The following ADH1A variants were observed in gnomAD, a reference collection of about 807,000 sequenced individuals.
ADH1A encodes the protein alcohol dehydrogenase 1A (class I), alpha polypeptide.
In ADH1A, 29 loss-of-function variants were observed where a neutral mutation model predicts 35.2. The ratio of observed to expected loss-of-function variants is 0.82; its 90% CI spans 0.61 to 1.12. ADH1A has a LOEUF of 1.12. Ranked by LOEUF, ADH1A falls within the 50% of genes most tolerant of loss-of-function variation. ADH1A has a pLI of 0.00. For synonymous variants in ADH1A, 147 were observed against 164.8 expected, an observed-to-expected ratio of 0.89 and a Z score of 0.83; for missense variants, 469 against 464.7, an observed-to-expected ratio of 1.01 and a Z score of -0.09.
At chr4:99,281,732 G>C (rs1314200174) in intron 6 of ADH1A, 2 of 155,858 alleles carry the variant, frequency 1.3e-5, no homozygotes, top group East Asian at 3.6e-4. Context: ...AAATTTGGGG[G>C]GTGATAAAAA....
At chr4:99,283,629 T>G (rs931267856) in intron 5 of ADH1A, among the ~76,000 whole-genome samples, 6 of 152,184 alleles carry the variant, frequency 3.9e-5, no homozygotes, top group African/African-American at 1.4e-4. Flanking sequence ...AGGAGATTAG[T>G]AAAAGATATT....
intron 4 of ADH1A, 44 bp from the exon 5 acceptor site, chr4:99,284,662 C>G (rs28364312): frequency 6.2e-7 from 1 of 1,612,634 alleles, no homozygotes; most frequent in Non-Finnish European, 8.5e-7. Context: ...TGAGACAGGA[C>G]CATAACTAAT....
intron 3 of ADH1A, 30 bp downstream of exon 3, chr4:99,286,820 C>T (rs934955691): frequency 3.1e-6 from 5 of 1,610,360 alleles, no homozygotes; most frequent in African/African-American, 1.3e-5. Flanking sequence ...GATGGTGAAC[C>T]ATCATGTTTC....
Position 99,276,528 on chromosome 4 carries a change from G to A in ADH1A, c.*96C>T, listed in dbSNP as rs1732872412. 1.9e-6 allele frequency: 2 copies of A among 1,069,662 alleles called. No individual in the cohort carries two copies. Among genetic ancestry groups the A allele is most frequent in the African/African-American group, 3.2e-5 (2 of 63,472 alleles). 66.3% of individuals were successfully genotyped at this position (1,069,662 alleles called of 1,614,324 possible). The stretch of plus-strand genomic sequence containing the variant: ...AATGTAATTTATTGATAAAATCTGT[G>A]ATGAGCAGAATTAATGATATTTCCC... On this transcript the variant is annotated 3_prime_UTR_variant, in exon 9 of 9. Coordinates refer to ENST00000209668, the MANE Select transcript of ADH1A (RefSeq NM_000667.4).
chr4:99,287,544 A>G lies in ADH1A; in HGVS notation c.120+20T>C, dbSNP rs1733184788. On this transcript the variant is annotated intron_variant, in intron 2 of 8. Transcript: ENST00000209668. The stretch of plus-strand genomic sequence containing the variant: ...TCTGAGTTTTTAAAACTTAAATACA[A>G]ATGGAAAAATGTATTTCACCTTAAT... 1 of 1,595,064 alleles carries G rather than the reference A, an allele frequency of 6.3e-7. No homozygotes were observed. The highest frequency in any genetic ancestry group is 1.4e-5 in the African/African-American group (1 of 74,054).
intron 3 of ADH1A, 197 bp downstream of exon 3, chr4:99,286,653 G>T: frequency 1.2e-6 from 1 of 841,888 alleles, no homozygotes; most frequent in Non-Finnish European, 1.8e-6. Context: ...AATTGTTGAA[G>T]GGTAGAATAC....
chr4:99,278,307 G>A (rs976173017), intron 8 of ADH1A: 4 of 151,974 alleles, frequency 2.6e-5, no homozygotes, highest in Admixed American at 1.3e-4. Flanking sequence ...ATATATCCAT[G>A]CGCTCTTGAG....
intron 7 of ADH1A, 66 bp downstream of exon 7, chr4:99,280,078 G>A (rs1732962031): frequency 6.3e-7 from 1 of 1,598,654 alleles, no homozygotes; most frequent in African/African-American, 1.3e-5. Flanking sequence ...ACCTTGCCTT[G>A]TCACTTGTAA....
intron 6 of ADH1A, chr4:99,281,075 A>G (rs1024890376): frequency 2.0e-5 from 3 of 152,210 alleles, no homozygotes; most frequent in African/African-American, 2.4e-5. Flanking sequence ...CCCGTTCCAC[A>G]TGAGAAAATG....
At chr4:99,279,010 GT>G (rs1206262355) in intron 8 of ADH1A, among the ~76,000 whole-genome samples, 1 of 152,088 alleles carries the variant, frequency 6.6e-6, no homozygotes, top group African/African-American at 2.4e-5. Flanking sequence ...TAATGAAAAT[GT>G]TGAGGATGTC....
chr4:99,279,475 G>T lies in ADH1A; in HGVS notation c.1054C>A (p.Pro352Thr). 2 of 1,609,576 alleles carry T rather than the reference G, an allele frequency of 1.2e-6. No individual in the cohort carries two copies. Among genetic ancestry groups the T allele is most frequent in the Non-Finnish European group, 8.5e-7 (1 of 1,178,530 alleles). ...SLDALITHVL[P>T]FEKINEGFDL... ...AATCCTTCATTTATTTTTTCAAAAG[G>T]TAAAACATGGGTTATTAATGCATCC... The change falls in exon 8 of 9, where the codon CCT (proline) becomes ACT (threonine). Residue 352 changes from proline to threonine, a missense_variant. By Grantham distance (38) the Pro-to-Thr change is conservative. Coordinates refer to ENST00000209668, the MANE Select transcript of ADH1A (RefSeq NM_000667.4).
At chr4:99,290,841 T>G in intron 1 of ADH1A, 56 bp downstream of exon 1, 1 of 1,536,326 alleles carries the variant, frequency 6.5e-7, no homozygotes, top group Non-Finnish European at 9.0e-7. Flanking sequence ...ACTGTATTAC[T>G]TTCTTTGTTA....
intron 2 of ADH1A, 142 bp from the exon 3 acceptor site, chr4:99,287,130 G>T: frequency 4.6e-6 from 5 of 1,077,368 alleles, no homozygotes; most frequent in Non-Finnish European, 6.6e-6. Context: ...GAAAGATTCA[G>T]TTTATCCTCA....
intron 2 of ADH1A, 115 bp downstream of exon 2, chr4:99,287,449 C>A: frequency 2.0e-6 from 2 of 1,009,946 alleles, no homozygotes; most frequent in Non-Finnish European, 2.8e-6. Flanking sequence ...TATACCTTTC[C>A]TTGACAACAA....
intron 8 of ADH1A, among the ~76,000 whole-genome samples, chr4:99,277,199 T>C (rs1732890076): frequency 6.6e-6 from 1 of 152,086 alleles, no homozygotes; most frequent in Admixed American, 6.6e-5. Context: ...AGATGATAAA[T>C]AACTTGCCTG....
At position 99,282,328 on chromosome 4, in the gene ADH1A, G is replaced by T. The variant is rs1478070288; in HGVS notation, c.828+18C>A. The stretch of plus-strand genomic sequence containing the variant: ...AAGTTGTAGAGGCAGAAATCTCAGG[G>T]CATGTCATGGTACATACCATGGTGT... On this transcript the variant is annotated intron_variant, in intron 6 of 8. Transcript: ENST00000209668. The T allele has an allele frequency of 3.1e-6, 5 of 1,614,132 alleles. No individual in the cohort carries two copies. Among genetic ancestry groups the T allele is most frequent in the African/African-American group, 1.3e-5 (1 of 75,032 alleles).
rs760071893 is a variant in ADH1A, at chr4:99,281,439, AT to A, written c.828+906del. Among the ~76,000 whole-genome samples, 8 of 152,332 alleles carry A rather than the reference AT, an allele frequency of 5.3e-5. No homozygotes were observed. The South Asian group carries it at 1.7e-3, about 32-fold the overall frequency. ...ACTGCAAGATTGGAAATAGTATTTC[AT>A]ATCAATAACGCCAACTGAGGCCGGG... On this transcript the variant is annotated intron_variant, in intron 6 of 8. Transcript: ENST00000209668.
At chr4:99,285,188 A>G (rs564147583) in intron 3 of ADH1A, among the ~76,000 whole-genome samples, 1 of 152,368 alleles carries the variant, frequency 6.6e-6, no homozygotes, top group Admixed American at 6.5e-5. Flanking sequence ...AAAGTAGGGT[A>G]TAATAGTTCC....
In ADH1A at chr4:99,276,534, C is replaced by A; in HGVS notation, c.*90G>T. 3.6e-6 allele frequency: 4 copies of A among 1,120,236 alleles called. No homozygotes were observed. Among genetic ancestry groups the A allele is most frequent in the Non-Finnish European group, 4.1e-6 (3 of 737,994 alleles). The allele number at this position is 1,120,236 out of a possible 1,614,324, so 69.4% of individuals were successfully genotyped here. A position where few individuals can be genotyped will look rare whatever the true frequency, so the allele number is the denominator to read the frequency against. The stretch of plus-strand genomic sequence containing the variant: ...ATTTATTGATAAAATCTGTGATGAG[C>A]AGAATTAATGATATTTCCCAGCTGT... On this transcript the variant is annotated 3_prime_UTR_variant, in exon 9 of 9. Coordinates refer to ENST00000209668, the MANE Select transcript of ADH1A (RefSeq NM_000667.4).
Sources: allele counts gnomAD v4.1 joint callset (sites outside exome capture counted in the v4.1 genomes callset), GRCh38; gene constraint gnomAD v4.1.1; transcripts MANE v1.5; gene names NCBI Gene and HGNC (gene_info 2026-07-23, HGNC 2026-07-21).